ANK3: variants seen among roughly 807,000 people sequenced by gnomAD.
The protein encoded by ANK3 is ankyrin-3.
Under a neutral mutation model 370.9 loss-of-function variants are expected in ANK3, and 57 were observed. The ratio of observed to expected loss-of-function variants is 0.15; its 90% CI spans 0.12 to 0.19. ANK3 has a LOEUF of 0.19. Ranked by LOEUF, ANK3 falls within the 10% of genes least tolerant of loss-of-function variation. ANK3 has a pLI of 1.00. For missense variants in ANK3, 4,439 were observed against 5,302.1 expected, an observed-to-expected ratio of 0.84 and a Z score of 5.06; for synonymous variants, 1,929 against 1,946.3, an observed-to-expected ratio of 0.99 and a Z score of 0.23.
At chr10:60,653,964 C>G (rs1442648751) in intron 1 of ANK3, among the ~76,000 whole-genome samples, 4 of 152,168 alleles carry the variant, frequency 2.6e-5, no homozygotes, top group African/African-American at 9.7e-5. Flanking sequence ...CTGAGTCTTC[C>G]AATTCATAAA....
chr10:60,415,916 G>GAC (rs1567021986), intron 2 of ANK3, among the ~76,000 whole-genome samples: 2 of 81,190 alleles, frequency 2.5e-5, no homozygotes, highest in African/African-American at 4.7e-5. Flanking sequence ...CTGAATTTGT[G>GAC]CCCCCCACCC....
chr10:60,434,045 A>G (rs1157687869), intron 2 of ANK3, among the ~76,000 whole-genome samples: 1 of 152,262 alleles, frequency 6.6e-6, no homozygotes, highest in Non-Finnish European at 1.5e-5. Context: ...CAACTGTGTC[A>G]TAAAAGTGGA....
At chr10:60,395,596 C>CTTTCTTTCTTTCTTTCTTTCTT (rs1555367197) in intron 2 of ANK3, among the ~76,000 whole-genome samples, 2 of 123,858 alleles carry the variant, frequency 1.6e-5, no homozygotes, top group African/African-American at 6.9e-5. Context: ...TTCTTTCTTT[C>CTTTCTTTCTTTCTTTCTTTCTT]TTTCTTTCTT....
chr10:60,307,069 C>T (rs1005341575), intron 1 of ANK3, among the ~76,000 whole-genome samples: 5 of 152,052 alleles, frequency 3.3e-5, no homozygotes, highest in African/African-American at 4.8e-5. Flanking sequence ...AATCAAAAGA[C>T]GAAAAATATT....
At chr10:60,668,026 TC>T (rs1201641820) in intron 1 of ANK3, among the ~76,000 whole-genome samples, 2 of 151,488 alleles carry the variant, frequency 1.3e-5, no homozygotes, top group Non-Finnish European at 2.9e-5. Flanking sequence ...TCTAGCAAAT[TC>T]CCAGGTGACT....
chr10:60,728,889 T>C (rs2079980955), intron 1 of ANK3, among the ~76,000 whole-genome samples: 1 of 152,240 alleles, frequency 6.6e-6, no homozygotes, highest in Admixed American at 6.5e-5. Flanking sequence ...ACTTACCCTC[T>C]AGTTTATTGT....
chr10:60,331,077 C>T (rs1379806126), intron 1 of ANK3, among the ~76,000 whole-genome samples: 9 of 147,472 alleles, frequency 6.1e-5, no homozygotes, highest in South Asian at 2.3e-4. Flanking sequence ...TGAGAAAACA[C>T]GGGCACAGGG....
intron 6 of ANK3, 43 bp from the exon 7 acceptor site, chr10:60,262,000 C>A (rs748641816): frequency 6.6e-7 from 1 of 1,518,528 alleles, no homozygotes; most frequent in South Asian, 1.1e-5. Flanking sequence ...TTCCTGCCAG[C>A]CCCCTGCCTG....
intron 21 of ANK3, among the ~76,000 whole-genome samples, chr10:60,169,633 A>G (rs2095727595): frequency 6.6e-6 from 1 of 152,098 alleles, no homozygotes; most frequent in African/African-American, 2.4e-5. Flanking sequence ...GCAGTGGGGA[A>G]TTATGTTCCA....
chr10:60,356,047 C>T (rs149500908), intron 1 of ANK3, among the ~76,000 whole-genome samples: 1 of 152,262 alleles, frequency 6.6e-6, no homozygotes, highest in African/African-American at 2.4e-5. Flanking sequence ...TTCACAAGAA[C>T]GAACAAAATA....
intron 1 of ANK3, among the ~76,000 whole-genome samples, chr10:60,658,912 A>AAAAGGAAAGG (rs71018919): frequency 3.4e-5 from 5 of 147,110 alleles, no homozygotes; most frequent in Admixed American, 6.9e-5. Context: ...GAAAGGAAAG[A>AAAAGGAAAGG]AAAGGAAAGG....
chr10:60,196,132 G>T lies in ANK3; in HGVS notation c.1887+13C>A. The T allele has an allele frequency of 6.2e-7, 1 of 1,610,720 alleles. No individual in the cohort carries two copies. Among genetic ancestry groups the T allele is most frequent in the South Asian group, 1.1e-5 (1 of 90,956 alleles). On this transcript the variant is annotated intron_variant, in intron 16 of 43. Transcript: ENST00000280772. ...TACCCATCAGTCTCCTTAGGCTGTG[G>T]AATTATAGGTACCTTTGCGGCTGCG... is the stretch of plus-strand genomic sequence containing the variant.
chr10:60,379,790 T>C (rs1479112450), intron 1 of ANK3, among the ~76,000 whole-genome samples: 2 of 152,176 alleles, frequency 1.3e-5, no homozygotes, highest in Non-Finnish European at 1.5e-5. Flanking sequence ...GAGTAAGTTC[T>C]AGTATTCTGT....
At chr10:60,515,689 G>A (rs1362683454) in intron 2 of ANK3, among the ~76,000 whole-genome samples, 3 of 152,072 alleles carry the variant, frequency 2.0e-5, no homozygotes, top group Non-Finnish European at 4.4e-5. Flanking sequence ...TGCCACCAGG[G>A]TTCGTGGTTA....
At position 60,646,651 on chromosome 10, in the gene ANK3, G is replaced by A. The variant is rs1426474600; in HGVS notation, c.58-31427C>T. ...AGAGAAGTCACTGGTTTGATTATAG[G>A]GCATAAAAGAAGGATGTCAGAGATT... On this transcript the variant is annotated intron_variant, in intron 1 of 43. Coordinates refer to the ANK3 transcript ENST00000373827. Among the ~76,000 whole-genome samples the A allele has an allele frequency of 2.6e-5, 4 of 152,068 alleles. No homozygotes were observed. In the East Asian group the frequency reaches 5.8e-4, roughly 22 times the overall value.
At chr10:60,704,368 C>T (rs1180708247) in intron 1 of ANK3, among the ~76,000 whole-genome samples, 3 of 152,114 alleles carry the variant, frequency 2.0e-5, no homozygotes, top group South Asian at 2.1e-4. Flanking sequence ...ACCTATAATA[C>T]ATTTTAATCA....
chr10:60,260,756 T>C (rs1453833594), intron 7 of ANK3, among the ~76,000 whole-genome samples: 2 of 152,130 alleles, frequency 1.3e-5, no homozygotes, highest in Admixed American at 6.5e-5. Context: ...GCTCTGGCCA[T>C]GTGATGTGCC....
chr10:60,181,333 G>C lies in ANK3; in HGVS notation c.2180C>G (p.Thr727Arg), dbSNP rs1485879627. Reference protein sequence around the residue: ...VNQGAHVDAQTKMGYTPLHVG... With the variant: ...VNQGAHVDAQRKMGYTPLHVG... ...TGGCAAGGGAGGGCCGTATACCTTT[G>C]TCTGGGCGTCCACATGAGCCCCTTG... Residue 727 changes from threonine (T) to arginine (R), a missense_variant, in exon 18 of 44, where the codon ACA (threonine) becomes AGA (arginine). Thr to Arg is a moderately conservative substitution (Grantham distance 71). Coordinates refer to ENST00000280772, the MANE Select transcript of ANK3 (RefSeq NM_020987.5). The C allele has an allele frequency of 6.2e-7, 1 of 1,614,068 alleles. No individual in the cohort carries two copies. Among genetic ancestry groups the C allele is most frequent in the Non-Finnish European group, 8.5e-7 (1 of 1,179,948 alleles).
At chr10:60,448,390 C>T (rs966560591) in intron 2 of ANK3, among the ~76,000 whole-genome samples, 7 of 152,198 alleles carry the variant, frequency 4.6e-5, no homozygotes, top group African/African-American at 9.7e-5. Context: ...GTTCTCACAT[C>T]CTGTCTTTCC....
Sources: gnomAD v4.1 joint callset for allele counts (sites outside exome capture counted in the v4.1 genomes callset) on GRCh38, gnomAD v4.1.1 for gene constraint, MANE v1.5 for transcripts, NCBI Gene and HGNC (gene_info 2026-07-23, HGNC 2026-07-21) for gene names.